ODAD2: variants seen among roughly 807,000 people sequenced by gnomAD.
ODAD2 encodes outer dynein arm-docking complex subunit 2.
Under a neutral mutation model 106.8 loss-of-function variants are expected in ODAD2, and 89 were observed. The observed-to-expected ratio is 0.83, with a 90% confidence interval of 0.70 to 0.99. ODAD2 has a LOEUF of 0.99. Ranked by LOEUF, ODAD2 falls within the 50% of genes least tolerant of loss-of-function variation. The pLI is 0.00. For synonymous variants in ODAD2, 404 were observed against 436.2 expected (o/e 0.93, Z 0.92); for missense variants, 1,168 against 1,238.5 (o/e 0.94, Z 0.85).
intron 10 of ODAD2, chr10:27,958,763 C>G: frequency 2.0e-6 from 2 of 998,960 alleles, no homozygotes; most frequent in Non-Finnish European, 2.7e-6. Flanking sequence ...CTTAATAATT[C>G]TAATATAAGA....
chr10:27,860,181 G>A (rs986211726), intron 19 of ODAD2, among the ~76,000 whole-genome samples: 1 of 152,166 alleles, frequency 6.6e-6, no homozygotes, highest in African/African-American at 2.4e-5. Flanking sequence ...GCTGGGCATT[G>A]TGACTCACTC....
intron 12 of ODAD2, among the ~76,000 whole-genome samples, chr10:27,942,037 C>A (rs1305282610): frequency 2.0e-5 from 3 of 152,072 alleles, no homozygotes; most frequent in Non-Finnish European, 4.4e-5. Flanking sequence ...GTACTGACTG[C>A]AGGTGGGATA....
rs977052476 is a variant in ODAD2 at position 27,924,317 on chromosome 10, T to C, written c.2495+10693A>G. On this transcript the variant is annotated intron_variant, in intron 16 of 19. Transcript: ENST00000305242. ...CTAACAGGGGAATACAAAGTGAAAT[T>C]AAGACACTTCTAAAAATGATGATAA... 2.0e-4 allele frequency among the ~76,000 whole-genome samples: 31 copies of C among 151,676 alleles called. No individual in the cohort carries two copies. In the Middle Eastern group the frequency reaches 0.01, roughly 50 times the overall value.
At chr10:27,915,905 T>C (rs1221342238) in intron 16 of ODAD2, among the ~76,000 whole-genome samples, 1 of 152,148 alleles carries the variant, frequency 6.6e-6, no homozygotes, top group Non-Finnish European at 1.5e-5. Context: ...TTTGTTCATA[T>C]ATATGGCCTC....
intron 9 of ODAD2, among the ~76,000 whole-genome samples, chr10:27,963,946 G>A (rs1848325969): frequency 6.6e-6 from 1 of 152,156 alleles, no homozygotes; most frequent in Non-Finnish European, 1.5e-5. Flanking sequence ...TTTGGGCCGG[G>A]CATGGTGGCT....
chr10:27,812,519 T>C lies in ODAD2; in HGVS notation c.3128A>G (p.Tyr1043Cys). The change falls in exon 20 of 20, where the codon TAC becomes TGC. Residue 1043 changes from tyrosine to cysteine, a missense_variant. By Grantham distance (194) the Tyr-to-Cys change is radical (BLOSUM62 -2). Around this residue, in one of 3 missense-constraint regions of ODAD2, gnomAD observed 701 missense variants for 712.3 expected, o/e 0.98. Coordinates refer to ENST00000305242, the MANE Select transcript of ODAD2 (RefSeq NM_018076.5). ...GTAATGTCCATTTAAATTTCAAGTG[T>C]ATCTTGCCTTCTCTGTAGCAAGAGC... ...RLALATEKARYT is the reference protein window; with the variant it reads ...RLALATEKARCT 1 of 1,613,146 alleles carries C rather than the reference T, an allele frequency of 6.2e-7. No homozygotes were observed. The highest frequency in any genetic ancestry group is 8.5e-7 in the Non-Finnish European group (1 of 1,179,774).
chr10:27,879,753 A>G (rs145735744), intron 17 of ODAD2, among the ~76,000 whole-genome samples: 21 of 152,280 alleles, frequency 1.4e-4, no homozygotes, highest in African/African-American at 4.8e-4. Flanking sequence ...AACTTGGTAG[A>G]TAAGAGTCTA....
At chr10:27,923,057 G>A (rs190331465) in intron 16 of ODAD2, among the ~76,000 whole-genome samples, 5 of 151,924 alleles carry the variant, frequency 3.3e-5, no homozygotes, top group African/African-American at 7.2e-5. Flanking sequence ...CCTTTCTAAA[G>A]AACAACAAAT....
At chr10:27,828,938 G>C (rs1418962473) in intron 19 of ODAD2, among the ~76,000 whole-genome samples, 1 of 152,056 alleles carries the variant, frequency 6.6e-6, no homozygotes, top group East Asian at 1.9e-4. Flanking sequence ...CTAATGTTAT[G>C]TTTGCCTTTA....
chr10:27,820,019 C>T (rs187965604), intron 19 of ODAD2, among the ~76,000 whole-genome samples: 38 of 152,298 alleles, frequency 2.5e-4, no homozygotes, highest in African/African-American at 7.0e-4. Flanking sequence ...ATGCTACTCA[C>T]GCTCATGGTG....
chr10:27,974,383 C>A (rs1282393487), intron 7 of ODAD2, among the ~76,000 whole-genome samples: 1 of 152,146 alleles, frequency 6.6e-6, no homozygotes, highest in African/African-American at 2.4e-5. Context: ...AGTCTTTTAT[C>A]CCGCTTGAGT....
At chr10:27,998,485 G>A (rs1850689392) in intron 1 of ODAD2, among the ~76,000 whole-genome samples, 2 of 152,132 alleles carry the variant, frequency 1.3e-5, no homozygotes, top group South Asian at 4.1e-4. Context: ...GCTGGGGGAA[G>A]GAGAGGCAGG....
chr10:27,865,300 T>G (rs2133371425), intron 17 of ODAD2, among the ~76,000 whole-genome samples: 1 of 152,314 alleles, frequency 6.6e-6, no homozygotes, highest in East Asian at 1.9e-4. Context: ...CTAAAATATT[T>G]GTATTTTTAA....
At chr10:27,937,801 A>G (rs1846098735) in intron 14 of ODAD2, among the ~76,000 whole-genome samples, 1 of 152,206 alleles carries the variant, frequency 6.6e-6, no homozygotes, top group South Asian at 2.1e-4. Flanking sequence ...TCTGGATTAC[A>G]GGCACCTTCT....
intron 19 of ODAD2, among the ~76,000 whole-genome samples, chr10:27,826,772 C>T (rs1167936831): frequency 2.6e-5 from 4 of 152,086 alleles, no homozygotes; most frequent in African/African-American, 9.7e-5. Context: ...TTTCACCCTC[C>T]TTCCTGCTCT....
chr10:27,937,377 G>C (rs12762554), intron 14 of ODAD2, among the ~76,000 whole-genome samples: 1 of 141,476 alleles, frequency 7.1e-6, no homozygotes, highest in Non-Finnish European at 1.5e-5. Flanking sequence ...TTGCTCTGTC[G>C]CCCAAGGTGG....
rs1215513403 is a variant in ODAD2 at position 27,924,021 on chromosome 10, AGAAG to A, written c.2495+10985_2495+10988del. Among the ~76,000 whole-genome samples, 202 of 139,340 alleles carry A rather than the reference AGAAG, an allele frequency of 1.4e-3. 6 individuals are homozygous for A. The highest frequency in any genetic ancestry group is 2.0e-3 in the East Asian group (9 of 4,604). The allele number at this position is 139,340 out of a possible 152,430, so 91.4% of individuals were successfully genotyped here. On this transcript the variant is annotated intron_variant, in intron 16 of 19. Coordinates refer to ENST00000305242, the MANE Select transcript of ODAD2 (RefSeq NM_018076.5). ...AAGAAAGAAAGAAAGAAAGAAAGAA[AGAAG>A]GAAAGAGAAAGAAAGAAGGAAAGAG...
chr10:27,914,094 A>G (rs1590002399), intron 16 of ODAD2, among the ~76,000 whole-genome samples: 1 of 152,178 alleles, frequency 6.6e-6, no homozygotes, highest in South Asian at 2.1e-4. Context: ...ATGCCCATCA[A>G]TGGTAGACTG....
At chr10:27,900,935 C>A (rs1263368699) in intron 17 of ODAD2, among the ~76,000 whole-genome samples, 1 of 152,018 alleles carries the variant, frequency 6.6e-6, no homozygotes, top group Non-Finnish European at 1.5e-5. Flanking sequence ...CAAGACAGGC[C>A]AACATTCAAA....
Sources: gnomAD v4.1 joint callset for allele counts (sites outside exome capture counted in the v4.1 genomes callset) on GRCh38, gnomAD v4.1.1 for gene constraint, gnomAD v4.1.1 regional missense constraint, MANE v1.5 for transcripts, NCBI Gene and HGNC (gene_info 2026-07-23, HGNC 2026-07-21) for gene names.